The following MTHFD1L variants were observed in gnomAD, a reference collection of about 807,000 sequenced individuals.
MTHFD1L encodes monofunctional C1-tetrahydrofolate synthase, mitochondrial.
MTHFD1L carries 81 observed loss-of-function variants against 119.5 expected under a neutral mutation model. The observed-to-expected ratio is 0.68, with a 90% CI of 0.57 to 0.82. The LOEUF is 0.82. MTHFD1L is among the 40% of genes least tolerant of loss of function. The probability of loss-of-function intolerance (pLI) is 0.00; values close to 1 mark genes in which losing one functional copy is unlikely to be tolerated. For synonymous variants in MTHFD1L, 430 were observed against 475.2 expected (o/e 0.90, Z 1.24); for missense variants, 1,125 against 1,253.4 (o/e 0.90, Z 1.55).
chr6:150,924,267 C>G (rs934440946), intron 10 of MTHFD1L, among the ~76,000 whole-genome samples: 1 of 152,192 alleles, frequency 6.6e-6, no homozygotes, highest in Non-Finnish European at 1.5e-5. Context: ...GTTGCCCAGG[C>G]TGGAGTGCAG....
At chr6:150,987,031 G>A (rs1400394690) in intron 20 of MTHFD1L, among the ~76,000 whole-genome samples, 1 of 152,076 alleles carries the variant, frequency 6.6e-6, no homozygotes, top group Non-Finnish European at 1.5e-5. Flanking sequence ...TGCTTACCAT[G>A]CCAAATGCAT....
chr6:150,925,426 A>C (rs1338514466), intron 10 of MTHFD1L, among the ~76,000 whole-genome samples: 1 of 152,148 alleles, frequency 6.6e-6, no homozygotes, highest in African/African-American at 2.4e-5. Context: ...CTCCTGTAAG[A>C]CGAGCAGTGG....
At chr6:151,037,278 A>G (rs1247615608) in intron 26 of MTHFD1L, among the ~76,000 whole-genome samples, 161 bp downstream of exon 26, 4 of 152,176 alleles carry the variant, frequency 2.6e-5, no homozygotes, top group Non-Finnish European at 4.4e-5. Flanking sequence ...TGTCTCACCT[A>G]CTTTTGCCAT....
rs549401652 is a variant in MTHFD1L, at chr6:150,949,996, C to A, written c.1726+863C>A. 8.3e-4 allele frequency among the ~76,000 whole-genome samples: 127 copies of A among 152,334 alleles called. 1 individual carries two copies. Among genetic ancestry groups the A allele is most frequent in the Admixed American group, 2.2e-3 (34 of 15,298 alleles). On this transcript the variant is annotated intron_variant, in intron 16 of 27. Coordinates refer to ENST00000367321, the MANE Select transcript of MTHFD1L (RefSeq NM_015440.5). ...TTCTTCCTGGATTATTCTTCTCATACTTGTGCCCTCATTTACCTCTTTATG... is the reference window on the plus strand; with the variant it reads ...TTCTTCCTGGATTATTCTTCTCATAATTGTGCCCTCATTTACCTCTTTATG...
intron 17 of MTHFD1L, among the ~76,000 whole-genome samples, chr6:150,956,845 T>C (rs75087097): frequency 0.01 from 1,567 of 151,204 alleles, 18 homozygotes; most frequent in African/African-American, 0.035. Context: ...AATTAAAAAG[T>C]GAATGTAGGT....
chr6:150,985,678 A>AAG (rs1778204150), intron 20 of MTHFD1L, among the ~76,000 whole-genome samples: 2 of 151,140 alleles, frequency 1.3e-5, no homozygotes, highest in South Asian at 2.1e-4. Context: ...AAAAAAAAAA[A>AAG]AAAGAAAGAA....
At chr6:150,885,788 A>G in intron 6 of MTHFD1L, 54 bp downstream of exon 6, 1 of 1,359,424 alleles carries the variant, frequency 7.4e-7, no homozygotes, top group Non-Finnish European at 1.0e-6. Flanking sequence ...TATTTACATT[A>G]TTTTTAATAA....
chr6:150,983,621 A>G lies in MTHFD1L; in HGVS notation c.2125+11563A>G, dbSNP rs141151684. ...CTGCTCCTTCTGAGCTTCACCTGAC[A>G]TGGCTGTGCAGTCCCCAGGAAAAAG... On this transcript the variant is annotated intron_variant, in intron 20 of 27. Transcript: ENST00000367321. 7.0e-4 allele frequency among the ~76,000 whole-genome samples: 107 copies of G among 152,160 alleles called. 1 individual carries two copies. The highest frequency in any genetic ancestry group is 2.5e-3 in the African/African-American group (105 of 41,508).
intron 19 of MTHFD1L, among the ~76,000 whole-genome samples, chr6:150,965,761 G>T (rs6914055): frequency 0.031 from 4,704 of 151,896 alleles, 240 homozygotes; most frequent in African/African-American, 0.11. Flanking sequence ...CATAATCATT[G>T]AGTTGTGGAT....
At chr6:151,083,977 C>T (rs865801511) in intron 26 of MTHFD1L, among the ~76,000 whole-genome samples, 2 of 152,158 alleles carry the variant, frequency 1.3e-5, no homozygotes, top group Admixed American at 6.5e-5. Flanking sequence ...GTGCATACAA[C>T]GTGCTTAGCA....
chr6:151,024,600 G>A (rs770436380), intron 24 of MTHFD1L, among the ~76,000 whole-genome samples: 9 of 152,084 alleles, frequency 5.9e-5, no homozygotes, highest in African/African-American at 1.9e-4. Flanking sequence ...AGACTGAGGC[G>A]GGCAGATCAC....
chr6:150,972,273 A>G (rs1798091591), intron 20 of MTHFD1L, among the ~76,000 whole-genome samples: 1 of 152,238 alleles, frequency 6.6e-6, no homozygotes, highest in East Asian at 1.9e-4. Context: ...TCAAGTACAT[A>G]TGGGTTTGAG....
intron 20 of MTHFD1L, among the ~76,000 whole-genome samples, chr6:150,995,013 C>T (rs923140856): frequency 1.3e-5 from 2 of 152,164 alleles, no homozygotes; most frequent in Non-Finnish European, 2.9e-5. Flanking sequence ...ATATATCTTT[C>T]GTATTTTCCT....
At position 150,889,727 on chromosome 6, in the gene MTHFD1L, G is replaced by A. The variant is rs114869701; in HGVS notation, c.780+1746G>A. ...TATTGGCAGTAGGTAAAAAGTGCCA[G>A]TTAGCCATATTGACAAATGTCTGGA... On this transcript the variant is annotated intron_variant, in intron 7 of 27. Transcript: ENST00000367321. 4.7e-3 allele frequency among the ~76,000 whole-genome samples: 721 copies of A among 152,298 alleles called. 3 individuals carry two copies. Among genetic ancestry groups the A allele is most frequent in the African/African-American group, 0.017 (689 of 41,552 alleles).
At chr6:150,935,106 A>G in intron 11 of MTHFD1L, 1 of 1,613,946 alleles carries the variant, frequency 6.2e-7, no homozygotes, top group Non-Finnish European at 8.5e-7. Flanking sequence ...GAATTTGTAA[A>G]TACCATACCT....
intron 19 of MTHFD1L, among the ~76,000 whole-genome samples, chr6:150,966,148 C>T (rs1453929136): frequency 6.6e-6 from 1 of 152,078 alleles, no homozygotes; most frequent in Non-Finnish European, 1.5e-5. Flanking sequence ...AGTTTGTTCT[C>T]GCATTGCCGT....
At chr6:151,072,604 C>T (rs777775265) in intron 26 of MTHFD1L, among the ~76,000 whole-genome samples, 1 of 151,994 alleles carries the variant, frequency 6.6e-6, no homozygotes, top group Non-Finnish European at 1.5e-5. Flanking sequence ...GCATGAGCAA[C>T]ATGTTGAAAC....
intron 27 of MTHFD1L, chr6:151,099,494 A>G (rs1247237128): frequency 2.3e-6 from 3 of 1,316,782 alleles, no homozygotes; most frequent in African/African-American, 1.5e-5. Flanking sequence ...GGCGCTGCCT[A>G]TGGAGGTGGC....
At chr6:151,017,389 C>T (rs990972176) in intron 24 of MTHFD1L, among the ~76,000 whole-genome samples, 1 of 151,814 alleles carries the variant, frequency 6.6e-6, no homozygotes, top group Non-Finnish European at 1.5e-5. Context: ...TTTTGTTGCC[C>T]GGGCTGGAGT....
Sources: gnomAD v4.1 joint callset for allele counts (sites outside exome capture counted in the v4.1 genomes callset) on GRCh38, gnomAD v4.1.1 for gene constraint, MANE v1.5 for transcripts, NCBI Gene and HGNC (gene_info 2026-07-23, HGNC 2026-07-21) for gene names.